The following AK9 variants were observed in gnomAD, a reference collection of about 807,000 sequenced individuals.
The protein encoded by AK9 is adenylate kinase domain containing 1.
In AK9, 191 loss-of-function variants were observed where a neutral mutation model predicts 239.6. The ratio of observed to expected loss-of-function variants is 0.80; its 90% CI spans 0.71 to 0.90. AK9 has a LOEUF of 0.90. Among genes scored for constraint, AK9 ranks in the 40% least tolerant of loss-of-function variants. The pLI is 0.00. For missense variants in AK9, 1,995 were observed against 2,214.7 expected (o/e 0.90, Z 1.99); for synonymous variants, 689 against 721.0 (o/e 0.96, Z 0.71).
chr6:109,647,972 C>T (rs1019214649), intron 8 of AK9, among the ~76,000 whole-genome samples: 1 of 152,076 alleles, frequency 6.6e-6, no homozygotes, highest in Non-Finnish European at 1.5e-5. Flanking sequence ...AACTGAACAA[C>T]CTGCTCCTGA....
intron 17 of AK9, among the ~76,000 whole-genome samples, chr6:109,596,869 T>C (rs1415611915): frequency 1.3e-5 from 2 of 152,222 alleles, no homozygotes; most frequent in African/African-American, 2.4e-5. Context: ...AGTAGTGGGA[T>C]TGCTGGATCG....
At chr6:109,551,695 A>G (rs1784378240) in intron 24 of AK9, among the ~76,000 whole-genome samples, 1 of 150,838 alleles carries the variant, frequency 6.6e-6, no homozygotes, top group Non-Finnish European at 1.5e-5. Flanking sequence ...CTAAGCCCAT[A>G]TTTTAGTAAT....
At chr6:109,602,210 A>G (rs1004391728) in intron 17 of AK9, among the ~76,000 whole-genome samples, 3 of 152,146 alleles carry the variant, frequency 2.0e-5, no homozygotes, top group African/African-American at 7.2e-5. Flanking sequence ...AGTGGCTGGT[A>G]CTGGTTGTTC....
At chr6:109,641,644 A>G (rs1797461972) in intron 9 of AK9, 28 bp from the exon 10 acceptor site, 1 of 1,562,654 alleles carries the variant, frequency 6.4e-7, no homozygotes, top group Admixed American at 1.7e-5. Flanking sequence ...ATATTTAACT[A>G]CATTGGCATC....
chr6:109,614,505 T>C, intron 13 of AK9, 25 bp from the exon 14 acceptor site: 1 of 1,536,880 alleles, frequency 6.5e-7, no homozygotes, highest in Non-Finnish European at 8.8e-7. Context: ...TGGGTGGTGT[T>C]AGCAAAACGT....
chr6:109,602,622 C>G (rs1381530724), intron 17 of AK9, among the ~76,000 whole-genome samples: 1 of 152,078 alleles, frequency 6.6e-6, no homozygotes, highest in Non-Finnish European at 1.5e-5. Context: ...TGTTGGCCTG[C>G]CTTGCTAGGT....
At chr6:109,645,294 G>A (rs1245666168) in intron 8 of AK9, among the ~76,000 whole-genome samples, 4 of 152,138 alleles carry the variant, frequency 2.6e-5, no homozygotes, top group Admixed American at 6.5e-5. Context: ...GGGGGATTTC[G>A]CTTTCCTAGC....
chr6:109,497,660 G>A (rs1300393898), intron 37 of AK9, 97 bp from the exon 38 acceptor site: 3 of 1,328,920 alleles, frequency 2.3e-6, no homozygotes, highest in Non-Finnish European at 3.1e-6. Flanking sequence ...TTCTACCTAT[G>A]TAGCTCAAGG....
intron 35 of AK9, among the ~76,000 whole-genome samples, chr6:109,503,444 T>TGGCAGGAG (rs1049323149): frequency 6.6e-6 from 1 of 152,142 alleles, no homozygotes; most frequent in Non-Finnish European, 1.5e-5. Context: ...TTCTGGAACG[T>TGGCAGGAG]GGCAGGAGGA....
intron 5 of AK9, among the ~76,000 whole-genome samples, chr6:109,667,033 C>G (rs763885348): frequency 5.3e-5 from 8 of 152,272 alleles, no homozygotes; most frequent in Middle Eastern, 3.4e-3. Context: ...ATCTGTTTCT[C>G]TTGGGTAAGG....
intron 1 of AK9, among the ~76,000 whole-genome samples, chr6:109,680,188 AG>A (rs1210427016): frequency 6.6e-6 from 1 of 152,214 alleles, no homozygotes; most frequent in African/African-American, 2.4e-5. Flanking sequence ...ACCCAACTCA[AG>A]GAAGCTAAGA....
intron 29 of AK9, among the ~76,000 whole-genome samples, chr6:109,519,774 CAA>C (rs58292452): frequency 0.045 from 6,421 of 143,600 alleles, 211 homozygotes; most frequent in East Asian, 0.12. Flanking sequence ...CATCCTGTCT[CAA>C]AAAAAAAAAA....
In AK9 at chr6:109,656,840, A is replaced by ATGATGAAG. The variant is rs1370821674; in HGVS notation, c.667_674dup (p.Leu226PhefsTer4). ...AATAATCTTCAGGCCTCTGAACTAG[A>ATGATGAAG]TGATGAAGAATTTCAGCCACCATCT... On this transcript the variant is annotated frameshift_variant, in exon 8 of 41. Coordinates refer to ENST00000424296, the MANE Select transcript of AK9 (RefSeq NM_001145128.3). LOFTEE classifies it high-confidence loss of function. The ATGATGAAG allele has an allele frequency of 2.5e-6, 4 of 1,612,536 alleles. No homozygotes were observed. Among genetic ancestry groups the ATGATGAAG allele is most frequent in the Non-Finnish European group, 3.4e-6 (4 of 1,179,012 alleles).
chr6:109,642,777 A>C (rs1797616832), intron 9 of AK9, among the ~76,000 whole-genome samples: 1 of 152,096 alleles, frequency 6.6e-6, no homozygotes, highest in South Asian at 2.1e-4. Flanking sequence ...GGAGAAGCAC[A>C]TTGGGGGCAG....
At chr6:109,620,711 T>C (rs975735831) in intron 12 of AK9, among the ~76,000 whole-genome samples, 4 of 151,960 alleles carry the variant, frequency 2.6e-5, no homozygotes, top group African/African-American at 9.7e-5. Flanking sequence ...ATCAGATGAA[T>C]ATGTTACAAC....
chr6:109,532,629 C>T (rs559194683), intron 28 of AK9, among the ~76,000 whole-genome samples: 1 of 152,250 alleles, frequency 6.6e-6, no homozygotes, highest in East Asian at 1.9e-4. Flanking sequence ...TAAGGATATA[C>T]CACCTTTTAT....
intron 35 of AK9, among the ~76,000 whole-genome samples, chr6:109,501,307 G>A (rs1326052381): frequency 5.3e-5 from 8 of 152,152 alleles, no homozygotes; most frequent in Non-Finnish European, 1.2e-4. Context: ...GGAGGAGGGT[G>A]TGGGGGTCCA....
intron 37 of AK9, 23 bp from the exon 38 acceptor site, chr6:109,497,586 A>C (rs751698093): frequency 4.7e-6 from 7 of 1,504,226 alleles, no homozygotes; most frequent in South Asian, 2.3e-5. Context: ...AAAACAAAAC[A>C]AAACCTCTAT....
chr6:109,667,376 CTTAA>C (rs768728483), intron 5 of AK9, among the ~76,000 whole-genome samples: 4 of 151,302 alleles, frequency 2.6e-5, no homozygotes, highest in East Asian at 1.9e-4. Flanking sequence ...TTGTCATTTG[CTTAA>C]TTATTTTTTC....
Sources: allele counts gnomAD v4.1 joint callset (sites outside exome capture counted in the v4.1 genomes callset), GRCh38; gene constraint gnomAD v4.1.1; transcripts MANE v1.5; gene names NCBI Gene and HGNC (gene_info 2026-07-23, HGNC 2026-07-21).